EEPD1: variants seen among roughly 807,000 people sequenced by gnomAD.
EEPD1 encodes endonuclease/exonuclease/phosphatase family domain containing 1.
Under a neutral mutation model 46.3 loss-of-function variants are expected in EEPD1, and 17 were observed. The ratio of observed to expected loss-of-function variants is 0.37; its 90% CI spans 0.25 to 0.55. EEPD1 has a LOEUF of 0.55. EEPD1 is among the 20% of genes least tolerant of loss of function. The pLI is 0.83. For missense variants in EEPD1, 673 were observed against 745.6 expected (o/e 0.90, Z 1.13); for synonymous variants, 313 against 315.6 (o/e 0.99, Z 0.09).
intron 2 of EEPD1, among the ~76,000 whole-genome samples, chr7:36,206,928 A>AAT (rs1785830614): frequency 6.6e-6 from 1 of 152,150 alleles, no homozygotes; most frequent in Admixed American, 6.5e-5. Context: ...GTGCACCTGT[A>AAT]ATCCCAGCTA....
chr7:36,204,473 G>A (rs1047284380), intron 2 of EEPD1, among the ~76,000 whole-genome samples: 7 of 152,186 alleles, frequency 4.6e-5, no homozygotes, highest in Admixed American at 2.0e-4. Flanking sequence ...GCTGTGAGCC[G>A]TGCCCTATGC....
intron 2 of EEPD1, among the ~76,000 whole-genome samples, chr7:36,189,453 C>A (rs557552427): frequency 6.6e-6 from 1 of 152,288 alleles, no homozygotes; most frequent in Non-Finnish European, 1.5e-5. Flanking sequence ...TGTTAAGCTT[C>A]TTTATGTTAT....
chr7:36,229,661 C>T (rs1583821569), intron 2 of EEPD1, among the ~76,000 whole-genome samples: 1 of 152,318 alleles, frequency 6.6e-6, no homozygotes, highest in South Asian at 2.1e-4. Flanking sequence ...TGCCACCAGC[C>T]TTTGCTTACC....
At chr7:36,223,774 T>C (rs994456286) in intron 2 of EEPD1, among the ~76,000 whole-genome samples, 17 of 152,206 alleles carry the variant, frequency 1.1e-4, no homozygotes, top group African/African-American at 3.9e-4. Context: ...GAAAAGTTAA[T>C]ATTGTAGTGT....
In EEPD1 at chr7:36,270,234, T is replaced by A. The variant is rs141704747; in HGVS notation, c.931-10881T>A. ...GGTCTTTGCACAGTGGTATTATACT[T>A]AATTTTTTTCTGACTCTCTATTTTA... On this transcript the variant is annotated intron_variant, in intron 3 of 7. Coordinates refer to ENST00000242108, the MANE Select transcript of EEPD1 (RefSeq NM_030636.3). Among the ~76,000 whole-genome samples, 131 of 152,334 alleles carry A rather than the reference T, an allele frequency of 8.6e-4. 1 individual carries two copies. In the East Asian group the frequency reaches 9.1e-3, roughly 11 times the overall value.
chr7:36,189,596 G>T (rs753840827), intron 2 of EEPD1, among the ~76,000 whole-genome samples: 1 of 152,150 alleles, frequency 6.6e-6, no homozygotes, highest in African/African-American at 2.4e-5. Context: ...CCTGCCTTGG[G>T]TACAGAGCTC....
At chr7:36,267,794 C>G (rs1262913313) in intron 3 of EEPD1, among the ~76,000 whole-genome samples, 1 of 152,184 alleles carries the variant, frequency 6.6e-6, no homozygotes, top group Non-Finnish European at 1.5e-5. Context: ...TGTTCAAGTC[C>G]TAATCCCCAG....
chr7:36,255,177 A>G (rs1283710221), intron 3 of EEPD1, among the ~76,000 whole-genome samples: 4 of 152,124 alleles, frequency 2.6e-5, no homozygotes, highest in Non-Finnish European at 5.9e-5. Context: ...TTTTGTTATC[A>G]TTGCTTTTGG....
At position 36,195,276 on chromosome 7, in the gene EEPD1, G is replaced by A. The variant is rs139405835; in HGVS notation, c.878+40074G>A. On this transcript the variant is annotated intron_variant, in intron 2 of 7. Coordinates refer to ENST00000242108, the MANE Select transcript of EEPD1 (RefSeq NM_030636.3). ...GATTTACTCATGGGAGACATGAGGC[G>A]ACTCCTGCCTCCCTGACCCAGTGTG... 1.9e-4 allele frequency among the ~76,000 whole-genome samples: 29 copies of A among 152,330 alleles called. No homozygotes were observed. In the East Asian group the frequency reaches 5.6e-3, roughly 29 times the overall value.
At chr7:36,158,099 G>A (rs924414301) in intron 2 of EEPD1, among the ~76,000 whole-genome samples, 2 of 152,144 alleles carry the variant, frequency 1.3e-5, no homozygotes, top group Non-Finnish European at 2.9e-5. Flanking sequence ...CTGGGATGTA[G>A]GTAACACTGA....
At chr7:36,256,456 A>C (rs1786829670) in intron 3 of EEPD1, among the ~76,000 whole-genome samples, 2 of 152,196 alleles carry the variant, frequency 1.3e-5, no homozygotes, top group South Asian at 4.1e-4. Context: ...GTGGGATTCT[A>C]AGTCTCTTTA....
At chr7:36,282,717 G>A (rs537476370) in intron 4 of EEPD1, among the ~76,000 whole-genome samples, 6 of 152,206 alleles carry the variant, frequency 3.9e-5, no homozygotes, top group South Asian at 2.1e-4. Context: ...AGGGCCAGGC[G>A]GAACGGGCAT....
chr7:36,212,837 T>C (rs1194023410), intron 2 of EEPD1, among the ~76,000 whole-genome samples: 2 of 152,186 alleles, frequency 1.3e-5, no homozygotes, highest in African/African-American at 4.8e-5. Flanking sequence ...TTTATCATCA[T>C]TAACAAAAGT....
In EEPD1 at chr7:36,262,970, C is replaced by T. The variant is rs78665442; in HGVS notation, c.931-18145C>T. Among the ~76,000 whole-genome samples, 778 of 152,236 alleles carry T rather than the reference C, an allele frequency of 5.1e-3. 4 individuals carry two copies. The highest frequency in any genetic ancestry group is 0.018 in the African/African-American group (748 of 41,526). On this transcript the variant is annotated intron_variant, in intron 3 of 7. Coordinates refer to ENST00000242108, the MANE Select transcript of EEPD1 (RefSeq NM_030636.3). The stretch of plus-strand genomic sequence containing the variant: ...GGTGTATGGGGTAGGGGAGGGCTCT[C>T]TCCTGTCCTGCTCATGTCTGACTAG...
At chr7:36,244,858 C>T (rs887016118) in intron 3 of EEPD1, among the ~76,000 whole-genome samples, 30 of 149,828 alleles carry the variant, frequency 2.0e-4, no homozygotes, top group African/African-American at 6.4e-4. Flanking sequence ...CTGCAACCTC[C>T]GCATCCTGAG....
chr7:36,248,431 T>C (rs1407235595), intron 3 of EEPD1, among the ~76,000 whole-genome samples: 1 of 151,350 alleles, frequency 6.6e-6, no homozygotes, highest in Non-Finnish European at 1.5e-5. Context: ...GGTCTCAAAC[T>C]CCTGGCCTCA....
At chr7:36,169,558 G>C (rs894354525) in intron 2 of EEPD1, among the ~76,000 whole-genome samples, 2 of 152,194 alleles carry the variant, frequency 1.3e-5, no homozygotes, top group Non-Finnish European at 2.9e-5. Flanking sequence ...ATTCAGATCT[G>C]TGTGGGTCAT....
chr7:36,280,869 A>C (rs1411388589), intron 3 of EEPD1, among the ~76,000 whole-genome samples: 2 of 152,230 alleles, frequency 1.3e-5, no homozygotes, highest in Admixed American at 1.3e-4. Flanking sequence ...AATTTCTGTG[A>C]ACTGAGAGTC....
intron 2 of EEPD1, among the ~76,000 whole-genome samples, chr7:36,174,399 C>T (rs555818607): frequency 1.3e-5 from 2 of 152,292 alleles, no homozygotes; most frequent in African/African-American, 4.8e-5. Flanking sequence ...AAGCGTAACA[C>T]ATGATGCTGG....
Sources: gnomAD v4.1 joint callset for allele counts (sites outside exome capture counted in the v4.1 genomes callset) on GRCh38, gnomAD v4.1.1 for gene constraint, MANE v1.5 for transcripts, NCBI Gene and HGNC (gene_info 2026-07-23, HGNC 2026-07-21) for gene names.